The following BTNL9 variants were observed in gnomAD, a reference collection of about 807,000 sequenced individuals.
The protein encoded by BTNL9 is butyrophilin like 9.
Under a neutral mutation model 45.8 loss-of-function variants are expected in BTNL9, and 45 were observed. The ratio of observed to expected loss-of-function variants is 0.98; its 90% CI spans 0.77 to 1.26. The LOEUF (loss-of-function observed/expected upper bound fraction) is 1.26. BTNL9 is among the 50% of genes most tolerant of loss of function. The pLI, the probability that BTNL9 is intolerant of heterozygous loss-of-function variation, is 0.00. For synonymous variants in BTNL9, 346 were observed against 330.8 expected, an observed-to-expected ratio of 1.05 and a Z score of -0.50; for missense variants, 784 against 729.7, an observed-to-expected ratio of 1.07 and a Z score of -0.86.
chr5:181,045,139 C>A lies in BTNL9; in HGVS notation c.-23-328C>A, dbSNP rs570287732. ...GTCGCTAAGCCCAGAAAAGGGGGGG[C>A]GCTGAGCCCCCACACATTGTGTGGC... On this transcript the variant is annotated intron_variant, in intron 1 of 10. Transcript: ENST00000327705. Among the ~76,000 whole-genome samples, 3 of 152,290 alleles carry A rather than the reference C, an allele frequency of 2.0e-5. No homozygotes were observed. The East Asian group carries it at 5.8e-4, about 29-fold the overall frequency.
rs150556835 is a variant in BTNL9, at chr5:181,048,110, C to G, written c.293C>G (p.Pro98Arg). 16 of 1,613,432 alleles carry G rather than the reference C, an allele frequency of 9.9e-6. No homozygotes were observed. Among genetic ancestry groups the G allele is most frequent in the Admixed American group, 1.7e-5 (1 of 60,002 alleles). The change falls in exon 3 of 11, where the codon CCG becomes CGG. Residue 98 changes from proline (P) to arginine (R), a missense_variant. Coordinates refer to ENST00000327705, the MANE Select transcript of BTNL9 (RefSeq NM_152547.5). ...CAGGAGCTCCCTGGCAGGCAGATGC[C>G]GGCGTTCCGGAACAGGACCAAGTTG... ...EQQELPGRQM[P>R]AFRNRTKLVK...
In BTNL9 at chr5:181,042,537, G is replaced by A. The variant is rs550505988; in HGVS notation, c.-24+2105G>A. On this transcript the variant is annotated intron_variant, in intron 1 of 10. Transcript: ENST00000327705. This position sits in a 1 kb window ranked among gnomAD's most constrained non-coding sequence, Gnocchi z 4.5. ...AAAGGGCGGACGCACAGCAGCAAAC[G>A]GGGAGGAGGGTGCTGTCCAGGAGCC... is the stretch of plus-strand genomic sequence containing the variant. 3.3e-5 allele frequency among the ~76,000 whole-genome samples: 5 copies of A among 152,158 alleles called. No individual in the cohort carries two copies. Among genetic ancestry groups the A allele is most frequent in the East Asian group, 3.8e-4 (2 of 5,198 alleles).
chr5:181,041,380 T>C lies in BTNL9; in HGVS notation c.-24+948T>C, dbSNP rs139819831. 1.4e-3 allele frequency among the ~76,000 whole-genome samples: 217 copies of C among 152,326 alleles called. 1 individual carries two copies. The highest frequency in any genetic ancestry group is 4.9e-3 in the African/African-American group (204 of 41,578). ...GTGGACAGAATCTGAAATTCACCAA[T>C]AGAGTAAGTAAGAGTGAGAGATTGT... On this transcript the variant is annotated intron_variant, in intron 1 of 10. Coordinates refer to ENST00000327705, the MANE Select transcript of BTNL9 (RefSeq NM_152547.5).
rs1761215370 is a variant in BTNL9, at chr5:181,046,993, G to A, written c.110-934G>A. Among the ~76,000 whole-genome samples, 4 of 152,152 alleles carry A rather than the reference G, an allele frequency of 2.6e-5. No individual in the cohort carries two copies. In the South Asian group the frequency reaches 6.2e-4, roughly 24 times the overall value. ...TGGATACTCACCCAGCGGGCAATGA[G>A]GTGCCTCAAATAGTGTGAACAAAGG... is the stretch of plus-strand genomic sequence containing the variant. On this transcript the variant is annotated intron_variant, in intron 2 of 10. Coordinates refer to ENST00000327705, the MANE Select transcript of BTNL9 (RefSeq NM_152547.5).
intron 9 of BTNL9, 148 bp from the exon 10 acceptor site, chr5:181,058,204 G>A (rs1163608185): frequency 1.1e-6 from 1 of 934,684 alleles, no homozygotes; most frequent in Non-Finnish European, 1.7e-6. Context: ...TGAACCCCAA[G>A]ACCAGTCTGG....
Position 181,048,146 on chromosome 5 carries a change from A to C in BTNL9, c.329A>C (p.Asp110Ala). 1 of 1,613,630 alleles carries C rather than the reference A, an allele frequency of 6.2e-7. No individual in the cohort carries two copies. Among genetic ancestry groups the C allele is most frequent in the Non-Finnish European group, 8.5e-7 (1 of 1,180,030 alleles). ...FRNRTKLVKD[D>A]IAYGSVVLQL... ...AACAGGACCAAGTTGGTCAAGGACG[A>C]CATCGCCTATGGCAGCGTGGTCCTG... Residue 110 changes from aspartate (D) to alanine (A), a missense_variant, in exon 3 of 11, where the codon GAC becomes GCC. Asp to Ala is a moderately radical substitution (Grantham distance 126, BLOSUM62 -2). Coordinates refer to ENST00000327705, the MANE Select transcript of BTNL9 (RefSeq NM_152547.5).
At position 181,059,583 on chromosome 5, in the gene BTNL9, C is replaced by T. The variant is rs762827825; in HGVS notation, c.1329C>T (p.Arg443=). 1.4e-5 allele frequency: 22 copies of T among 1,612,708 alleles called. No individual in the cohort carries two copies. The highest frequency in any genetic ancestry group is 2.7e-5 in the African/African-American group (2 of 74,936). Residue 443 remains arginine (R), a synonymous_variant, in exon 11 of 11, where the codon CGC becomes CGT. Transcript: ENST00000327705. ...LAPHRVALTL[R]VPPRRLGVFL... ...CGCACCGCGTCGCGCTCACCCTGCG[C>T]GTGCCCCCGCGGCGCCTGGGCGTCT...
In BTNL9 at chr5:181,053,771, C is replaced by T. The variant is rs1248621405; in HGVS notation, c.886+270C>T. On this transcript the variant is annotated intron_variant, in intron 6 of 10. Transcript: ENST00000327705. The surrounding 1 kb of genome is among the most constrained non-coding windows in gnomAD (Gnocchi z 6.5). The stretch of plus-strand genomic sequence containing the variant: ...CTGTCGTTACGCCCTCGGAGCTTCA[C>T]ATCACACTGTACAGAGGGAGCGGTG... 3.3e-6 allele frequency: 5 copies of T among 1,522,092 alleles called. No individual in the cohort carries two copies. Among genetic ancestry groups the T allele is most frequent in the East Asian group, 2.5e-5 (1 of 40,318 alleles). The allele number at this position is 1,522,092 out of a possible 1,614,324, so 94.3% of individuals were successfully genotyped here.
intron 2 of BTNL9, among the ~76,000 whole-genome samples, chr5:181,046,938 C>T (rs1186508765): frequency 6.6e-6 from 1 of 152,048 alleles, no homozygotes. Flanking sequence ...CCGGAGAGAA[C>T]CTGGAGAGGG....
chr5:181,054,982 G>A (rs1761799389), intron 7 of BTNL9: 6 of 985,444 alleles, frequency 6.1e-6, no homozygotes, highest in Non-Finnish European at 7.2e-6. Flanking sequence ...CAAAATGTTG[G>A]AGTCCTTGGT....
intron 2 of BTNL9, 34 bp from the exon 3 acceptor site, chr5:181,047,893 G>A (rs1394101452): frequency 1.3e-6 from 2 of 1,571,910 alleles, no homozygotes; most frequent in Non-Finnish European, 1.7e-6. Flanking sequence ...ATTGGATGAG[G>A]GTTGCTTTTG....
chr5:181,054,490 A>G, intron 7 of BTNL9: 1 of 985,392 alleles, frequency 1.0e-6, no homozygotes, highest in Middle Eastern at 5.2e-4. Flanking sequence ...TGCAAATTAG[A>G]CAATTCAGTT....
chr5:181,049,114 G>A (rs1031755116), intron 3 of BTNL9, among the ~76,000 whole-genome samples: 1 of 151,468 alleles, frequency 6.6e-6, no homozygotes, highest in Non-Finnish European at 1.5e-5. Flanking sequence ...CTATGTTAGT[G>A]GAATTCAAAG....
chr5:181,058,523 C>A, intron 10 of BTNL9, 145 bp downstream of exon 10: 1 of 1,077,468 alleles, frequency 9.3e-7, no homozygotes, highest in Non-Finnish European at 1.4e-6. Context: ...CGCACACTTG[C>A]AAACACGCCA....
Position 181,053,389 on chromosome 5 carries a change from C to A in BTNL9, c.853+73C>A. On this transcript the variant is annotated intron_variant, in intron 5 of 10. Transcript: ENST00000327705. The surrounding 1 kb of genome is among the most constrained non-coding windows in gnomAD (Gnocchi z 6.5). The stretch of plus-strand genomic sequence containing the variant: ...ACCCCGGGGCCGCGGAGGCGCCTCC[C>A]CCCAGGACGCGGCGCGGGAAGGCGG... 6.5e-7 allele frequency: 1 copy of A among 1,527,996 alleles called. No homozygotes were observed. The highest frequency in any genetic ancestry group is 8.8e-7 in the Non-Finnish European group (1 of 1,135,704). The allele number at this position is 1,527,996 out of a possible 1,614,324, so 94.7% of individuals were successfully genotyped here.
chr5:181,053,186 C>T lies in BTNL9; in HGVS notation c.737-14C>T, dbSNP rs1761666805. 1.3e-6 allele frequency: 2 copies of T among 1,569,738 alleles called. No homozygotes were observed. Among genetic ancestry groups the T allele is most frequent in the African/African-American group, 1.4e-5 (1 of 70,614 alleles). On this transcript the variant is annotated splice_polypyrimidine_tract_variant and intron_variant, in intron 4 of 10. Transcript: ENST00000327705. This position sits in a 1 kb window ranked among gnomAD's most constrained non-coding sequence, Gnocchi z 6.5. The stretch of plus-strand genomic sequence containing the variant: ...GGCGCCTGGACCGACACGGCCCCCG[C>T]GGGTGTTTTCCAGACGTGTTCGTAC...
In BTNL9 at chr5:181,053,624, G is replaced by A. The variant is rs1403959393; in HGVS notation, c.886+123G>A. 1.3e-6 allele frequency: 2 copies of A among 1,545,816 alleles called. No individual in the cohort carries two copies. Among genetic ancestry groups the A allele is most frequent in the East Asian group, 2.5e-5 (1 of 40,782 alleles). ...GCGAGGTGTCAGGGCGGCCACCGGG[G>A]AACGGGGATCGGTGACCCCGGTGGG... On this transcript the variant is annotated intron_variant, in intron 6 of 10. Coordinates refer to ENST00000327705, the MANE Select transcript of BTNL9 (RefSeq NM_152547.5). This position sits in a 1 kb window ranked among gnomAD's most constrained non-coding sequence, Gnocchi z 6.5.
At position 181,045,517 on chromosome 5, in the gene BTNL9, T is replaced by C. The variant is rs772421635; in HGVS notation, c.28T>C (p.Ser10Pro). MVDLSVSPD[S>P]LKPVSLTSSL... ...GGTGGACCTCTCAGTCTCCCCAGAC[T>C]CCTTGAAGCCAGTATCGCTGACCAG... Residue 10 changes from serine (S) to proline (P), a missense_variant, in exon 2 of 11, where the codon TCC (serine) becomes CCC (proline). Transcript: ENST00000327705. The C allele has an allele frequency of 4.3e-6, 7 of 1,611,658 alleles. No individual in the cohort carries two copies. Among genetic ancestry groups the C allele is most frequent in the African/African-American group, 1.3e-5 (1 of 74,748 alleles).
At chr5:181,051,856 T>C (rs1299722087) in intron 4 of BTNL9, among the ~76,000 whole-genome samples, 2 of 152,178 alleles carry the variant, frequency 1.3e-5, no homozygotes, top group Admixed American at 1.3e-4. Context: ...AACAAGTTTA[T>C]ATAAAAATTT....
Sources: allele counts gnomAD v4.1 joint callset (sites outside exome capture counted in the v4.1 genomes callset), GRCh38; gene constraint gnomAD v4.1.1; non-coding constraint Gnocchi (gnomAD v3.1); transcripts MANE v1.5; gene names NCBI Gene and HGNC (gene_info 2026-07-23, HGNC 2026-07-21).